Variants in ATP13A4 observed in about 807,000 individuals in gnomAD.
ATP13A4 encodes ATPase 13A4.
In ATP13A4, 114 loss-of-function variants were observed where a neutral mutation model predicts 142.5. That is an observed-to-expected ratio of 0.80 (90% CI 0.69 to 0.93). ATP13A4 has a LOEUF of 0.93. Ranked by LOEUF, ATP13A4 falls within the 40% of genes least tolerant of loss-of-function variation. The pLI, the probability that ATP13A4 is intolerant of heterozygous loss-of-function variation, is 0.00. For missense variants in ATP13A4, 1,392 were observed against 1,454.0 expected (o/e 0.96, Z 0.69); for synonymous variants, 488 against 514.8 (o/e 0.95, Z 0.70).
intron 25 of ATP13A4, among the ~76,000 whole-genome samples, chr3:193,427,102 T>G (rs1006920198): frequency 6.6e-6 from 1 of 151,994 alleles, no homozygotes; most frequent in African/African-American, 2.4e-5. Context: ...ATCTCCACAA[T>G]ATATGAAGAA....
chr3:193,437,354 A>G (rs535517282), intron 23 of ATP13A4, among the ~76,000 whole-genome samples: 1 of 152,136 alleles, frequency 6.6e-6, no homozygotes, highest in Non-Finnish European at 1.5e-5. Flanking sequence ...CAAAATCAGT[A>G]GGTATCATCC....
chr3:193,406,865 A>T (rs1199641239), intron 29 of ATP13A4, among the ~76,000 whole-genome samples: 1 of 152,216 alleles, frequency 6.6e-6, no homozygotes, highest in East Asian at 1.9e-4. Context: ...AGGGGCAATG[A>T]AGAGCAACGG....
intron 24 of ATP13A4, among the ~76,000 whole-genome samples, chr3:193,434,503 T>G (rs574655558): frequency 1.9e-4 from 29 of 152,186 alleles, no homozygotes; most frequent in Non-Finnish European, 3.4e-4. Flanking sequence ...TAATGTTCAA[T>G]GTTTAATTCT....
chr3:193,543,122 C>T (rs1293033869), intron 1 of ATP13A4, among the ~76,000 whole-genome samples: 13 of 148,088 alleles, frequency 8.8e-5, no homozygotes, highest in East Asian at 8.0e-4. Context: ...GAGCTGAGAT[C>T]GCACCACTGC....
chr3:193,545,973 TTGTGTGTGTGTG>T (rs3053200), intron 1 of ATP13A4, among the ~76,000 whole-genome samples: 7,322 of 143,368 alleles, frequency 0.051, 219 homozygotes, highest in Non-Finnish European at 0.059. Context: ...AATGTTTAAA[TTGTGTGTGTGTG>T]TGTGTGTGTG....
chr3:193,439,034 T>C lies in ATP13A4; in HGVS notation c.2551A>G (p.Asn851Asp). ...TGGTAGCTACTTACCCCACAGTCAT[T>C]GGCTCCATCACCACACATACCTACA... Reference protein sequence around the residue: ...YFVGMCGDGANDCGALKMAHV... With the variant: ...YFVGMCGDGADDCGALKMAHV... The change falls in exon 22 of 30, where the codon AAT becomes GAT. Residue 851 changes from asparagine (N) to aspartate (D), a missense_variant. Coordinates refer to ENST00000342695, the MANE Select transcript of ATP13A4 (RefSeq NM_032279.4). 6.2e-7 allele frequency: 1 copy of C among 1,610,404 alleles called. No homozygotes were observed. Among genetic ancestry groups the C allele is most frequent in the Non-Finnish European group, 8.5e-7 (1 of 1,176,608 alleles).
intron 2 of ATP13A4, among the ~76,000 whole-genome samples, chr3:193,566,280 C>T (rs1266423883): frequency 2.6e-5 from 4 of 152,138 alleles, no homozygotes; most frequent in East Asian, 3.9e-4. Flanking sequence ...AAATTTGGAT[C>T]TCCAGGTTTT....
chr3:193,441,516 C>T lies in ATP13A4; in HGVS notation c.2389G>A (p.Gly797Arg). The T allele has an allele frequency of 1.2e-6, 2 of 1,613,626 alleles. No homozygotes were observed. Among genetic ancestry groups the T allele is most frequent in the South Asian group, 1.1e-5 (1 of 91,070 alleles). Reference sequence around the variant, plus strand: ...TGACTTATAACATGAAAGGATTTTCCAGTTAGGGCAAAATGGTAACTTCCT... The same window carrying T: ...TGACTTATAACATGAAAGGATTTTCTAGTTAGGGCAAAATGGTAACTTCCT... ...REGSYHFALT[G>R]KSFHVISQHF... The change falls in exon 20 of 30, where the codon GGA (glycine) becomes AGA (arginine). Residue 797 changes from glycine (G) to arginine (R), a missense_variant. Physicochemically the swap from Gly to Arg is moderately radical, Grantham distance 125. Coordinates refer to ENST00000342695, the MANE Select transcript of ATP13A4 (RefSeq NM_032279.4).
At chr3:193,485,510 T>C (rs1161112537) in intron 7 of ATP13A4, among the ~76,000 whole-genome samples, 2 of 152,174 alleles carry the variant, frequency 1.3e-5, no homozygotes, top group Non-Finnish European at 2.9e-5. Context: ...GGCTGAGTGG[T>C]GTTTAATATC....
In ATP13A4 at chr3:193,462,853, T is replaced by C. The variant is rs1360922245; in HGVS notation, c.1462-30A>G. 4.3e-6 allele frequency: 7 copies of C among 1,610,020 alleles called. No individual in the cohort carries two copies. The African/African-American group carries it at 8.0e-5, about 18-fold the overall frequency. ...ACAGAAACAAATGCTCCATTTACTC[T>C]GAAGATCCAGGCAAGGAGCGGTGGC... On this transcript the variant is annotated intron_variant, in intron 12 of 29. Coordinates refer to ENST00000342695, the MANE Select transcript of ATP13A4 (RefSeq NM_032279.4).
chr3:193,562,827 T>C (rs1724048091), intron 2 of ATP13A4, among the ~76,000 whole-genome samples: 2 of 152,110 alleles, frequency 1.3e-5, no homozygotes, highest in African/African-American at 4.8e-5. Context: ...GCTGAGATGG[T>C]GCCACTGAAC....
At chr3:193,462,661 C>T in intron 13 of ATP13A4, 101 bp downstream of exon 13, 2 of 1,173,160 alleles carry the variant, frequency 1.7e-6, no homozygotes, top group Non-Finnish European at 2.5e-6. Flanking sequence ...TCCACCAAAG[C>T]CAAAGTCCAA....
At chr3:193,586,038 T>C (rs370646756) in intron 1 of ATP13A4, among the ~76,000 whole-genome samples, 3 of 152,044 alleles carry the variant, frequency 2.0e-5, no homozygotes, top group Non-Finnish European at 2.9e-5. Context: ...TTTGTGTTCA[T>C]TGGCCAAATA....
At chr3:193,419,955 G>A (rs551102854) in intron 25 of ATP13A4, among the ~76,000 whole-genome samples, 1 of 149,874 alleles carries the variant, frequency 6.7e-6, no homozygotes, top group South Asian at 2.1e-4. Flanking sequence ...CATCATCTCA[G>A]GGTCCAAGGT....
chr3:193,520,189 G>A (rs1354866111), intron 1 of ATP13A4, among the ~76,000 whole-genome samples: 8 of 152,116 alleles, frequency 5.3e-5, no homozygotes, highest in Non-Finnish European at 7.3e-5. Context: ...GAAAGGGAGG[G>A]AGAGAGGGAT....
At chr3:193,412,102 T>C in intron 27 of ATP13A4, 76 bp downstream of exon 27, 2 of 1,346,388 alleles carry the variant, frequency 1.5e-6, no homozygotes, top group Non-Finnish European at 2.1e-6. Flanking sequence ...TCTAAAGCTG[T>C]TCCCTAAGTG....
intron 2 of ATP13A4, among the ~76,000 whole-genome samples, chr3:193,514,413 C>T (rs946682065): frequency 1.3e-5 from 2 of 152,180 alleles, no homozygotes; most frequent in East Asian, 3.9e-4. Context: ...GACATGATTT[C>T]GTTCTTTATT....
At chr3:193,581,098 G>A (rs915276181) in intron 2 of ATP13A4, among the ~76,000 whole-genome samples, 11 of 152,108 alleles carry the variant, frequency 7.2e-5, no homozygotes, top group African/African-American at 1.9e-4. Flanking sequence ...TGTATTTTCC[G>A]ATACATTAGT....
At chr3:193,446,952 T>A (rs1193243737) in intron 18 of ATP13A4, among the ~76,000 whole-genome samples, 1 of 152,174 alleles carries the variant, frequency 6.6e-6, no homozygotes, top group Non-Finnish European at 1.5e-5. Flanking sequence ...CTGAGCAAGA[T>A]GTCATTCATG....
Sources: gnomAD v4.1 joint callset for allele counts (sites outside exome capture counted in the v4.1 genomes callset) on GRCh38, gnomAD v4.1.1 for gene constraint, MANE v1.5 for transcripts, NCBI Gene and HGNC (gene_info 2026-07-23, HGNC 2026-07-21) for gene names.